The following CLSTN2 variants were observed in gnomAD, a reference collection of about 807,000 sequenced individuals.
CLSTN2 encodes calsyntenin 2, also known as calsyntenin-2.
Under a neutral mutation model 101.2 loss-of-function variants are expected in CLSTN2, and 48 were observed. That is an observed-to-expected ratio of 0.47 (90% CI 0.38 to 0.60). CLSTN2 has a LOEUF of 0.60. Ranked by LOEUF, CLSTN2 falls within the 20% of genes least tolerant of loss-of-function variation. The probability of loss-of-function intolerance (pLI) is 0.00; values close to 1 mark genes in which losing one functional copy is unlikely to be tolerated. For synonymous variants in CLSTN2, 481 were observed against 463.6 expected (o/e 1.04, Z -0.48); for missense variants, 1,160 against 1,238.2 (o/e 0.94, Z 0.95).
Position 140,469,882 on chromosome 3 carries a change from TG to T in CLSTN2, c.1344+3152del, listed in dbSNP as rs1933795399. On this transcript the variant is annotated intron_variant, in intron 8 of 16. Coordinates refer to ENST00000458420, the MANE Select transcript of CLSTN2 (RefSeq NM_022131.3). ...CTTTGAAAACCTCCGGGTGATTAAT[TG>T]ATCTTTAGACTCATTTTATTGAGCA... Among the ~76,000 whole-genome samples the T allele has an allele frequency of 1.3e-5, 2 of 152,190 alleles. 1 individual carries two copies. Among genetic ancestry groups the T allele is most frequent in the South Asian group, 4.1e-4 (2 of 4,824 alleles).
chr3:140,352,758 G>T (rs1306268046), intron 2 of CLSTN2, among the ~76,000 whole-genome samples: 1 of 151,906 alleles, frequency 6.6e-6, no homozygotes, highest in Admixed American at 6.6e-5. Context: ...TTCTCTAACT[G>T]TTGGGGCCTG....
chr3:140,518,730 A>G (rs1934969422), intron 8 of CLSTN2, among the ~76,000 whole-genome samples: 2 of 152,236 alleles, frequency 1.3e-5, no homozygotes, highest in Admixed American at 6.5e-5. Context: ...CTTTCCTGGT[A>G]TGTTCCTGTG....
intron 2 of CLSTN2, among the ~76,000 whole-genome samples, chr3:140,313,173 C>A (rs1458821218): frequency 2.0e-5 from 3 of 152,118 alleles, no homozygotes; most frequent in African/African-American, 7.2e-5. Context: ...CCAAAAAAAC[C>A]ATCAGTGGAA....
chr3:140,519,121 C>T (rs1413419001), intron 8 of CLSTN2, among the ~76,000 whole-genome samples: 2 of 152,280 alleles, frequency 1.3e-5, no homozygotes, highest in East Asian at 3.9e-4. Context: ...TGTGTAATTT[C>T]CATGTGATGG....
chr3:140,015,143 G>A (rs2107753105), intron 1 of CLSTN2, among the ~76,000 whole-genome samples: 2 of 152,304 alleles, frequency 1.3e-5, no homozygotes, highest in Middle Eastern at 6.8e-3. Context: ...GAGGAACTCT[G>A]ATCTTAGGAA....
intron 1 of CLSTN2, among the ~76,000 whole-genome samples, chr3:139,982,587 C>A (rs770553589): frequency 1.8e-4 from 27 of 152,120 alleles, no homozygotes; most frequent in Non-Finnish European, 3.2e-4. Context: ...GCAACTCTGA[C>A]CCACCACTGG....
At chr3:140,463,758 T>G (rs1253695715) in intron 7 of CLSTN2, among the ~76,000 whole-genome samples, 2 of 152,148 alleles carry the variant, frequency 1.3e-5, no homozygotes, top group Non-Finnish European at 2.9e-5. Context: ...TGGTACAATT[T>G]GGCAGAACAC....
intron 1 of CLSTN2, among the ~76,000 whole-genome samples, chr3:140,124,697 G>T (rs1307420818): frequency 1.3e-5 from 2 of 152,274 alleles, no homozygotes; most frequent in East Asian, 3.9e-4. Flanking sequence ...AGATGTCCAT[G>T]AGACAGCCAG....
At chr3:140,268,623 A>G (rs376282601) in intron 2 of CLSTN2, among the ~76,000 whole-genome samples, 1 of 152,304 alleles carries the variant, frequency 6.6e-6, no homozygotes, top group Admixed American at 6.5e-5. Context: ...CATTGTGCAA[A>G]TTAGGAGAAG....
chr3:140,231,693 A>T (rs2086373359), intron 2 of CLSTN2, among the ~76,000 whole-genome samples: 1 of 152,208 alleles, frequency 6.6e-6, no homozygotes, highest in African/African-American at 2.4e-5. Flanking sequence ...ATTGGGAATC[A>T]ATTATAGAAG....
In CLSTN2 at chr3:140,213,995, A is replaced by G. The variant is rs79743948; in HGVS notation, c.232+37922A>G. ...TTCTATCCTTGAGCTAATCCATTCA[A>G]TATTCAGTGATCAGAAAAGTTTAAT... On this transcript the variant is annotated intron_variant, in intron 2 of 16. Coordinates refer to ENST00000458420, the MANE Select transcript of CLSTN2 (RefSeq NM_022131.3). 5.2e-3 allele frequency among the ~76,000 whole-genome samples: 794 copies of G among 152,298 alleles called. 7 individuals are homozygous for G. Among genetic ancestry groups the G allele is most frequent in the African/African-American group, 0.018 (738 of 41,560 alleles).
intron 1 of CLSTN2, among the ~76,000 whole-genome samples, chr3:139,993,274 C>G (rs1172175925): frequency 1.3e-5 from 2 of 152,120 alleles, no homozygotes; most frequent in Admixed American, 1.3e-4. Flanking sequence ...CTCTCTTTCT[C>G]CTTCTACCTG....
intron 1 of CLSTN2, among the ~76,000 whole-genome samples, chr3:140,096,290 A>G (rs1421959001): frequency 3.9e-5 from 6 of 152,116 alleles, no homozygotes; most frequent in South Asian, 2.1e-4. Context: ...GGCCAATTCT[A>G]TCTAATGCAA....
chr3:140,463,179 A>C (rs925356552), intron 7 of CLSTN2, among the ~76,000 whole-genome samples: 1 of 152,202 alleles, frequency 6.6e-6, no homozygotes, highest in Non-Finnish European at 1.5e-5. Context: ...GCCTTGTCGC[A>C]GTAATCAATC....
intron 1 of CLSTN2, among the ~76,000 whole-genome samples, chr3:140,120,818 C>G (rs566769048): frequency 1.3e-5 from 2 of 152,164 alleles, no homozygotes; most frequent in Non-Finnish European, 2.9e-5. Flanking sequence ...TCTGTTCAAC[C>G]ACCTGGGCTG....
chr3:140,356,213 A>G (rs2087669112), intron 2 of CLSTN2, among the ~76,000 whole-genome samples: 1 of 152,196 alleles, frequency 6.6e-6, no homozygotes, highest in African/African-American at 2.4e-5. Context: ...TGGGAACTTA[A>G]AAAGAAGATG....
At chr3:140,154,282 G>A (rs1338246972) in intron 1 of CLSTN2, among the ~76,000 whole-genome samples, 1 of 152,062 alleles carries the variant, frequency 6.6e-6, no homozygotes, top group Non-Finnish European at 1.5e-5. Flanking sequence ...CTTCTGGTTG[G>A]GGGAACATCT....
chr3:140,190,240 A>G (rs1018772783), intron 2 of CLSTN2, among the ~76,000 whole-genome samples: 2 of 152,084 alleles, frequency 1.3e-5, no homozygotes, highest in Non-Finnish European at 2.9e-5. Flanking sequence ...GTATGGGTCT[A>G]TTTCTGGATT....
At chr3:139,976,195 A>G (rs1037796936) in intron 1 of CLSTN2, among the ~76,000 whole-genome samples, 1 of 152,090 alleles carries the variant, frequency 6.6e-6, no homozygotes, top group Non-Finnish European at 1.5e-5. Context: ...CTGCTCTACT[A>G]CCCTGGGGAT....
Sources: allele counts gnomAD v4.1 joint callset (sites outside exome capture counted in the v4.1 genomes callset), GRCh38; gene constraint gnomAD v4.1.1; transcripts MANE v1.5; gene names NCBI Gene and HGNC (gene_info 2026-07-23, HGNC 2026-07-21).